The following TUSC3 variants were observed in gnomAD, a reference collection of about 807,000 sequenced individuals.
The protein encoded by TUSC3 is tumor suppressor candidate 3.
A neutral mutation model predicts 44.8 loss-of-function variants in TUSC3; 45 were observed. That is an observed-to-expected ratio of 1.00 (90% CI 0.79 to 1.29). TUSC3 has a LOEUF of 1.29. TUSC3 is among the 50% of genes most tolerant of loss of function. TUSC3 has a pLI of 0.00. For synonymous variants in TUSC3, 212 were observed against 152.9 expected (o/e 1.39, Z -2.85); for missense variants, 519 against 437.9 (o/e 1.19, Z -1.65).
the TUSC3 span, among the ~76,000 whole-genome samples, chr8:15,786,606 C>G: frequency 5.5e-3 from 829 of 152,108 alleles, 9 homozygotes; most frequent in African/African-American, 0.019. Flanking sequence ...TACAAACACG[C>G]ATGCAGGTAG....
chr8:15,613,249 A>T (rs1486361681), intron 1 of TUSC3, among the ~76,000 whole-genome samples: 4 of 150,240 alleles, frequency 2.7e-5, no homozygotes, highest in African/African-American at 9.8e-5. Flanking sequence ...TTTTTTAAGT[A>T]AATTTAGCAC....
chr8:15,748,580 C>CAGTT, intron 9 of TUSC3, 115 bp downstream of exon 9: 2 of 1,019,256 alleles, frequency 2.0e-6, no homozygotes, highest in Non-Finnish European at 3.1e-6. Flanking sequence ...TTTTTAAATT[C>CAGTT]AGTTAAGCAA....
intron 1 of TUSC3, among the ~76,000 whole-genome samples, chr8:15,456,019 C>G (rs1430797431): frequency 6.6e-6 from 1 of 152,176 alleles, no homozygotes. Flanking sequence ...GACCTACCAA[C>G]CACTCCGGTG....
chr8:15,808,332 G>A, the TUSC3 span, among the ~76,000 whole-genome samples: 2 of 151,982 alleles, frequency 1.3e-5, no homozygotes, highest in African/African-American at 4.8e-5. Flanking sequence ...GAATATAATT[G>A]TTTAAAAAAT....
At chr8:15,730,769 TAAAGCTACA>T in intron 7 of TUSC3, 40 bp downstream of exon 7, 2 of 1,583,568 alleles carry the variant, frequency 1.3e-6, no homozygotes, top group South Asian at 2.2e-5. Context: ...AAGGGCAAAC[TAAAGCTACA>T]TGTTTTTAAA....
At chr8:15,736,058 G>A (rs901995895) in intron 7 of TUSC3, among the ~76,000 whole-genome samples, 4 of 151,918 alleles carry the variant, frequency 2.6e-5, no homozygotes, top group African/African-American at 9.7e-5. Context: ...TCGTATTTTT[G>A]TACAGAAGAC....
intron 1 of TUSC3, among the ~76,000 whole-genome samples, chr8:15,546,325 C>G (rs550561322): frequency 6.6e-6 from 1 of 151,852 alleles, no homozygotes; most frequent in South Asian, 2.1e-4. Context: ...CAGTTTTTAT[C>G]TAATCACTTG....
intron 1 of TUSC3, among the ~76,000 whole-genome samples, chr8:15,588,151 T>C (rs1333005721): frequency 6.6e-6 from 1 of 152,118 alleles, no homozygotes; most frequent in East Asian, 1.9e-4. Flanking sequence ...CTGTTAACCA[T>C]AATGGGGGTA....
the TUSC3 span, among the ~76,000 whole-genome samples, chr8:15,832,912 C>T: frequency 6.6e-6 from 1 of 152,106 alleles, no homozygotes; most frequent in African/African-American, 2.4e-5. Flanking sequence ...GATTGGAACT[C>T]ATCACTGGAT....
intron 5 of TUSC3, among the ~76,000 whole-genome samples, chr8:15,667,785 G>C (rs1238244057): frequency 6.6e-6 from 1 of 151,772 alleles, no homozygotes; most frequent in Non-Finnish European, 1.5e-5. Flanking sequence ...TAAATACAAT[G>C]TGAAATGTTT....
At chr8:15,694,213 C>T (rs763652687) in intron 6 of TUSC3, among the ~76,000 whole-genome samples, 30 of 151,954 alleles carry the variant, frequency 2.0e-4, no homozygotes, top group Middle Eastern at 3.4e-3. Flanking sequence ...GAGGATGAGG[C>T]GGGCAGATCG....
chr8:15,660,986 G>A (rs1807397858), intron 4 of TUSC3, among the ~76,000 whole-genome samples: 1 of 149,860 alleles, frequency 6.7e-6, no homozygotes, highest in Non-Finnish European at 1.5e-5. Context: ...TACAAATAAT[G>A]CCAATGTATA....
chr8:15,822,614 G>A, the TUSC3 span, among the ~76,000 whole-genome samples: 1 of 152,202 alleles, frequency 6.6e-6, no homozygotes, highest in East Asian at 1.9e-4. Context: ...AGAAGAGAAG[G>A]CTTCCAAGGA....
chr8:15,599,308 C>T (rs1804186006), intron 1 of TUSC3, among the ~76,000 whole-genome samples: 1 of 151,608 alleles, frequency 6.6e-6, no homozygotes, highest in Admixed American at 6.6e-5. Context: ...TTTAAGAGGT[C>T]TTTGTATATT....
the TUSC3 span, among the ~76,000 whole-genome samples, chr8:15,788,660 G>C: frequency 1.3e-5 from 2 of 152,038 alleles, no homozygotes; most frequent in South Asian, 4.2e-4. Flanking sequence ...CATAAAGGAA[G>C]AGTACTATCA....
At chr8:15,675,072 T>C (rs1307231318) in intron 6 of TUSC3, among the ~76,000 whole-genome samples, 1 of 152,056 alleles carries the variant, frequency 6.6e-6, no homozygotes, top group African/African-American at 2.4e-5. Flanking sequence ...TGCTACATAA[T>C]TTATCGAATG....
the TUSC3 span, among the ~76,000 whole-genome samples, chr8:15,775,033 A>C: frequency 6.6e-6 from 1 of 152,200 alleles, no homozygotes; most frequent in East Asian, 1.9e-4. Context: ...TCATATCACT[A>C]TTCACAATTG....
intron 2 of TUSC3, among the ~76,000 whole-genome samples, chr8:15,507,218 G>C (rs951602237): frequency 1.3e-5 from 2 of 152,106 alleles, no homozygotes; most frequent in African/African-American, 4.8e-5. Context: ...AAGAAACAAA[G>C]TGACATTGTT....
chr8:15,485,337 T>A (rs1800719457), intron 2 of TUSC3, among the ~76,000 whole-genome samples: 1 of 152,240 alleles, frequency 6.6e-6, no homozygotes, highest in African/African-American at 2.4e-5. Flanking sequence ...TTTGTTTCTT[T>A]GCTGCATTTT....
Sources: allele counts gnomAD v4.1 joint callset (sites outside exome capture counted in the v4.1 genomes callset), GRCh38; gene constraint gnomAD v4.1.1; transcripts MANE v1.5; gene names NCBI Gene and HGNC (gene_info 2026-07-23, HGNC 2026-07-21).